Variants in SPAG1 observed in about 807,000 individuals in gnomAD.
SPAG1 encodes the protein sperm-associated antigen 1.
Under a neutral mutation model 100.5 loss-of-function variants are expected in SPAG1, and 69 were observed. That is an observed-to-expected ratio of 0.69 (90% CI 0.57 to 0.84). SPAG1 has a LOEUF of 0.84. Ranked by LOEUF, SPAG1 falls within the 40% of genes least tolerant of loss-of-function variation. The pLI, the probability that SPAG1 is intolerant of heterozygous loss-of-function variation, is 0.00. For synonymous variants in SPAG1, 336 were observed against 411.6 expected (o/e 0.82, Z 2.22); for missense variants, 955 against 1,133.1 (o/e 0.84, Z 2.26).
chr8:100,237,568 T>C (rs753365443), intron 16 of SPAG1, among the ~76,000 whole-genome samples: 15 of 152,226 alleles, frequency 9.9e-5, no homozygotes, highest in Non-Finnish European at 1.3e-4. Context: ...GGACGTAAGC[T>C]TCCATAAATG....
intron 12 of SPAG1, among the ~76,000 whole-genome samples, chr8:100,214,530 C>A (rs1342887456): frequency 6.6e-6 from 1 of 152,196 alleles, no homozygotes; most frequent in Non-Finnish European, 1.5e-5. Flanking sequence ...AACACCTACA[C>A]TGACACTCGG....
intron 8 of SPAG1, among the ~76,000 whole-genome samples, chr8:100,187,727 C>T (rs538306850): frequency 1.1e-4 from 16 of 151,762 alleles, no homozygotes; most frequent in Non-Finnish European, 2.2e-4. Context: ...TTAAGTATAA[C>T]TTAATATAGA....
chr8:100,166,839 C>T lies in SPAG1; in HGVS notation c.300+866C>T, dbSNP rs114502875. On this transcript the variant is annotated intron_variant, in intron 3 of 18. Transcript: ENST00000388798. ...GGAGGATCGCTTTATCCTGAGAGAC[C>T]GAGGCTGCCGTGAGCTGTGATGGTG... Among the ~76,000 whole-genome samples, 974 of 152,116 alleles carry T rather than the reference C, an allele frequency of 6.4e-3. 9 individuals are homozygous for T. Among genetic ancestry groups the T allele is most frequent in the African/African-American group, 0.021 (892 of 41,502 alleles).
intron 10 of SPAG1, among the ~76,000 whole-genome samples, chr8:100,205,667 C>T (rs530698509): frequency 4.6e-5 from 7 of 152,120 alleles, no homozygotes; most frequent in African/African-American, 7.2e-5. Flanking sequence ...TAAATAATAT[C>T]GCATCCCTGG....
intron 14 of SPAG1, among the ~76,000 whole-genome samples, chr8:100,226,219 A>C (rs992491572): frequency 6.6e-6 from 1 of 152,004 alleles, no homozygotes; most frequent in Admixed American, 6.6e-5. Context: ...CTGGTCTCAA[A>C]TTCCAGGGCT....
chr8:100,229,349 G>T (rs111784973), intron 14 of SPAG1, among the ~76,000 whole-genome samples: 2,699 of 152,300 alleles, frequency 0.018, 47 homozygotes, highest in Non-Finnish European at 0.026. Flanking sequence ...GAACCCGGCA[G>T]GTGGAGCTTG....
In SPAG1 at chr8:100,167,182, A is replaced by G. The variant is rs1313031363; in HGVS notation, c.300+1209A>G. Among the ~76,000 whole-genome samples the G allele has an allele frequency of 2.0e-5, 3 of 152,168 alleles. No homozygotes were observed. In the East Asian group the frequency reaches 5.8e-4, roughly 29 times the overall value. ...TAAAAAAAACAAAAACAAACAAACAAAATGCCCATTTTTAGGTACTCTTTG... is the reference window on the plus strand; with the variant it reads ...TAAAAAAAACAAAAACAAACAAACAGAATGCCCATTTTTAGGTACTCTTTG... On this transcript the variant is annotated intron_variant, in intron 3 of 18. Coordinates refer to ENST00000388798, the MANE Select transcript of SPAG1 (RefSeq NM_003114.5).
chr8:100,228,783 T>C (rs189451994), intron 14 of SPAG1, among the ~76,000 whole-genome samples: 1 of 152,152 alleles, frequency 6.6e-6, no homozygotes, highest in Admixed American at 6.5e-5. Context: ...AATTTAAAGG[T>C]ATATTTTAAA....
intron 10 of SPAG1, among the ~76,000 whole-genome samples, chr8:100,198,317 A>G (rs1290770426): frequency 6.6e-6 from 1 of 152,206 alleles, no homozygotes; most frequent in Non-Finnish European, 1.5e-5. Flanking sequence ...ATTATGTGAA[A>G]ATGAAAAACG....
chr8:100,171,006 A>G (rs1018590944), intron 3 of SPAG1, among the ~76,000 whole-genome samples: 10 of 151,706 alleles, frequency 6.6e-5, no homozygotes, highest in Admixed American at 1.3e-4. Context: ...GCCCTTTATC[A>G]AGTTGAAGTT....
chr8:100,180,728 A>G lies in SPAG1; in HGVS notation c.427-2647A>G, dbSNP rs1015994366. On this transcript the variant is annotated intron_variant, in intron 4 of 18. Coordinates refer to ENST00000388798, the MANE Select transcript of SPAG1 (RefSeq NM_003114.5). ...GTCTCTTGATTTCTCCAGTCAGATA[A>G]GCAACTTAGTTTTGGTTTGGTGATA... Among the ~76,000 whole-genome samples, 8 of 152,362 alleles carry G rather than the reference A, an allele frequency of 5.3e-5. No homozygotes were observed. In the Middle Eastern group the frequency reaches 0.014, roughly 259 times the overall value.
At chr8:100,215,108 A>C (rs909448638) in intron 12 of SPAG1, among the ~76,000 whole-genome samples, 3 of 142,972 alleles carry the variant, frequency 2.1e-5, no homozygotes, top group Admixed American at 7.3e-5. Context: ...ACACTAGAAC[A>C]TGTGCCTCCT....
intron 17 of SPAG1, among the ~76,000 whole-genome samples, chr8:100,240,025 GT>G (rs1172429319): frequency 2.0e-5 from 3 of 151,882 alleles, no homozygotes; most frequent in Non-Finnish European, 2.9e-5. Context: ...AGCTAGGAAG[GT>G]TTTTTTTCCT....
At chr8:100,207,597 G>A (rs201850592) in intron 10 of SPAG1, among the ~76,000 whole-genome samples, 3 of 152,236 alleles carry the variant, frequency 2.0e-5, no homozygotes, top group Admixed American at 6.5e-5. Context: ...ATGGCCAGAT[G>A]TGTGATTATA....
At chr8:100,179,426 CTG>C (rs1816272448) in intron 4 of SPAG1, among the ~76,000 whole-genome samples, 1 of 152,128 alleles carries the variant, frequency 6.6e-6, no homozygotes, top group Non-Finnish European at 1.5e-5. Flanking sequence ...TGTACTAAGA[CTG>C]TGCCTTGAAA....
intron 12 of SPAG1, among the ~76,000 whole-genome samples, chr8:100,216,090 G>A (rs899246461): frequency 4.6e-5 from 7 of 152,168 alleles, no homozygotes; most frequent in Non-Finnish European, 1.0e-4. Flanking sequence ...TTAATACCAT[G>A]AAATGAGCAA....
chr8:100,214,201 A>C (rs1817868740), intron 12 of SPAG1, among the ~76,000 whole-genome samples: 1 of 152,186 alleles, frequency 6.6e-6, no homozygotes, highest in Admixed American at 6.5e-5. Context: ...ATTCCAATCC[A>C]CTGCGGCATC....
intron 12 of SPAG1, among the ~76,000 whole-genome samples, chr8:100,214,829 A>T (rs1220610232): frequency 1.3e-5 from 2 of 151,176 alleles, no homozygotes; most frequent in Admixed American, 1.3e-4. Context: ...AAAATACAAA[A>T]ATTAGCTGGG....
chr8:100,229,451 AAAAC>A (rs1349659875), intron 14 of SPAG1, among the ~76,000 whole-genome samples: 2 of 152,148 alleles, frequency 1.3e-5, no homozygotes, highest in Non-Finnish European at 2.9e-5. Context: ...AAAACAAAAA[AAAAC>A]AAAAGAATGA....
Sources: allele counts gnomAD v4.1 joint callset (sites outside exome capture counted in the v4.1 genomes callset), GRCh38; gene constraint gnomAD v4.1.1; transcripts MANE v1.5; gene names NCBI Gene and HGNC (gene_info 2026-07-23, HGNC 2026-07-21).